The following DNAH9 variants were observed in gnomAD, a reference collection of about 807,000 sequenced individuals.
The protein encoded by DNAH9 is DNAH9 variant protein.
DNAH9 carries 345 observed loss-of-function variants against 471.6 expected under a neutral mutation model. The ratio of observed to expected loss-of-function variants is 0.73; its 90% CI spans 0.67 to 0.80. The LOEUF (loss-of-function observed/expected upper bound fraction) is 0.80. DNAH9 is among the 30% of genes least tolerant of loss of function. The probability of loss-of-function intolerance (pLI) is 0.00; values close to 1 mark genes in which losing one functional copy is unlikely to be tolerated. For synonymous variants in DNAH9, 2,093 were observed against 2,123.6 expected (o/e 0.99, Z 0.40); for missense variants, 5,407 against 5,609.2 (o/e 0.96, Z 1.15).
At chr17:11,674,868 C>A (rs556333377) in intron 17 of DNAH9, among the ~76,000 whole-genome samples, 1 of 152,208 alleles carries the variant, frequency 6.6e-6, no homozygotes, top group East Asian at 1.9e-4. Context: ...ATGAAGAAAT[C>A]CTAATTACTG....
At chr17:11,796,419 A>G (rs374104565) in intron 42 of DNAH9, among the ~76,000 whole-genome samples, 4 of 152,238 alleles carry the variant, frequency 2.6e-5, no homozygotes, top group African/African-American at 9.6e-5. Context: ...CACCTTCAAA[A>G]TCTAATAACT....
At chr17:11,603,895 G>A (rs1321509141) in intron 1 of DNAH9, among the ~76,000 whole-genome samples, 5 of 152,074 alleles carry the variant, frequency 3.3e-5, no homozygotes, top group African/African-American at 4.8e-5. Context: ...TGAGAGCAGC[G>A]TTTGTCATAG....
intron 59 of DNAH9, among the ~76,000 whole-genome samples, chr17:11,900,187 C>T (rs779539526): frequency 2.6e-5 from 4 of 151,992 alleles, no homozygotes; most frequent in African/African-American, 7.2e-5. Flanking sequence ...TCCAGTCCCC[C>T]GGTGCCTCCT....
At chr17:11,629,353 GT>G (rs1428890722) in intron 6 of DNAH9, 63 bp from the exon 7 acceptor site, 2 of 1,446,334 alleles carry the variant, frequency 1.4e-6, no homozygotes, top group East Asian at 2.3e-5. Context: ...GCGGTGTTTG[GT>G]TTTTTGTCCT....
intron 49 of DNAH9, among the ~76,000 whole-genome samples, chr17:11,852,965 T>C (rs1971485467): frequency 6.7e-6 from 1 of 149,698 alleles, no homozygotes; most frequent in Admixed American, 6.7e-5. Context: ...ATATATCTTA[T>C]GTTAATATAT....
intron 62 of DNAH9, among the ~76,000 whole-genome samples, 162 bp from the exon 63 acceptor site, chr17:11,929,704 G>A (rs936449848): frequency 6.6e-6 from 1 of 152,136 alleles, no homozygotes; most frequent in African/African-American, 2.4e-5. Flanking sequence ...CACTTAAAAA[G>A]GGTTTCAGAT....
intron 9 of DNAH9, among the ~76,000 whole-genome samples, chr17:11,638,913 T>C (rs1274896512): frequency 1.3e-5 from 2 of 152,302 alleles, no homozygotes; most frequent in East Asian, 3.9e-4. Flanking sequence ...GGGCCACTCT[T>C]TGCAACTAGA....
chr17:11,675,226 AAAT>A (rs1429788198), intron 17 of DNAH9, among the ~76,000 whole-genome samples: 1 of 152,038 alleles, frequency 6.6e-6, no homozygotes, highest in Non-Finnish European at 1.5e-5. Flanking sequence ...TTCGTAGTAT[AAAT>A]AATATTTTAA....
In DNAH9 at chr17:11,681,065, T is replaced by C. The variant is rs139876123; in HGVS notation, c.3743+176T>C. Among the ~76,000 whole-genome samples, 96 of 152,318 alleles carry C rather than the reference T, an allele frequency of 6.3e-4. 1 individual carries two copies. The East Asian group carries it at 0.018, about 28-fold the overall frequency. On this transcript the variant is annotated intron_variant, in intron 19 of 68. Coordinates refer to ENST00000262442, the MANE Select transcript of DNAH9 (RefSeq NM_001372.4). ...TGCTAATGTGGACTGAATCCTATCATGACCTGTATGAAAAGGCCAAGGATT... is the reference window on the plus strand; with the variant it reads ...TGCTAATGTGGACTGAATCCTATCACGACCTGTATGAAAAGGCCAAGGATT...
intron 45 of DNAH9, among the ~76,000 whole-genome samples, chr17:11,812,651 TGGC>T (rs1455345868): frequency 6.6e-6 from 1 of 152,120 alleles, no homozygotes; most frequent in Admixed American, 6.6e-5. Flanking sequence ...CTCACTGTGC[TGGC>T]TGCTAGCCTT....
At chr17:11,745,234 A>C (rs2075503570) in intron 31 of DNAH9, 150 bp downstream of exon 31, 2 of 687,052 alleles carry the variant, frequency 2.9e-6, no homozygotes, top group African/African-American at 3.6e-5. Context: ...AACCACTCTT[A>C]ACTGGGGACC....
chr17:11,647,334 G>A lies in DNAH9; in HGVS notation c.2097+136G>A, dbSNP rs983796626. Reference sequence around the variant, plus strand: ...GTCGCCCAGGCTGGAGTGCAGTGGCGCGATCTCAGCTCACTACAACCCCTA... The same window carrying A: ...GTCGCCCAGGCTGGAGTGCAGTGGCACGATCTCAGCTCACTACAACCCCTA... On this transcript the variant is annotated intron_variant, in intron 12 of 68. Transcript: ENST00000262442. 9.5e-5 allele frequency: 77 copies of A among 806,386 alleles called. 1 individual carries two copies. Among genetic ancestry groups the A allele is most frequent in the South Asian group, 9.2e-4 (55 of 59,486 alleles). 50.0% of individuals were successfully genotyped at this position (806,386 alleles called of 1,614,324 possible). A position where few individuals can be genotyped will look rare whatever the true frequency, so the allele number is the denominator to read the frequency against.
intron 28 of DNAH9, among the ~76,000 whole-genome samples, chr17:11,738,624 G>T (rs942495554): frequency 6.6e-6 from 1 of 152,094 alleles, no homozygotes; most frequent in African/African-American, 2.4e-5. Context: ...CGAGTGATCT[G>T]CCCGCCTTGG....
rs895709849 is a variant in DNAH9, at chr17:11,857,839, T to A, written c.9933+3411T>A. Among the ~76,000 whole-genome samples, 9 of 152,108 alleles carry A rather than the reference T, an allele frequency of 5.9e-5. No individual in the cohort carries two copies. In the East Asian group the frequency reaches 1.5e-3, roughly 26 times the overall value. On this transcript the variant is annotated intron_variant, in intron 50 of 68. Coordinates refer to ENST00000262442, the MANE Select transcript of DNAH9 (RefSeq NM_001372.4). Reference sequence around the variant, plus strand: ...GTGGCACCTGCCCCCCGCAACTCCCTCTTGCTCCTGCTCTGGCCATATGAT... The same window carrying A: ...GTGGCACCTGCCCCCCGCAACTCCCACTTGCTCCTGCTCTGGCCATATGAT...
At position 11,822,450 on chromosome 17, in the gene DNAH9, T is replaced by C. The variant is rs1970340786; in HGVS notation, c.8863T>C (p.Phe2955Leu). 3 of 1,614,182 alleles carry C rather than the reference T, an allele frequency of 1.9e-6. No individual in the cohort carries two copies. In the East Asian group the frequency reaches 6.7e-5, roughly 36 times the overall value. ...IRRQLKVTLC[F>L]SPVGNKLRVR... Reference sequence around the variant, plus strand: ...TCTGACTTCTCAGGTGACTCTCTGTTTCTCCCCTGTGGGAAACAAGCTAAG... The same window carrying C: ...TCTGACTTCTCAGGTGACTCTCTGTCTCTCCCCTGTGGGAAACAAGCTAAG... Residue 2955 changes from phenylalanine to leucine, a missense_variant, in exon 47 of 69, where the codon TTC becomes CTC. Physicochemically the swap from Phe to Leu is conservative, Grantham distance 22. This residue lies in a region of DNAH9 where 4,636 missense variants were observed against 4,900.3 expected (regional missense o/e 0.95). Coordinates refer to ENST00000262442, the MANE Select transcript of DNAH9 (RefSeq NM_001372.4).
At chr17:11,657,518 GAT>G (rs1053193832) in intron 14 of DNAH9, among the ~76,000 whole-genome samples, 1 of 151,958 alleles carries the variant, frequency 6.6e-6, no homozygotes, top group Non-Finnish European at 1.5e-5. Context: ...TATTCTTATT[GAT>G]ATATGTTGAT....
At chr17:11,925,207 T>C (rs1364469756) in intron 62 of DNAH9, 1 of 455,744 alleles carries the variant, frequency 2.2e-6, no homozygotes, top group Admixed American at 2.4e-5. Flanking sequence ...CCCACTGCCT[T>C]GAACATAGCA....
At chr17:11,718,440 C>CTT (rs2075002708) in intron 26 of DNAH9, among the ~76,000 whole-genome samples, 1 of 152,220 alleles carries the variant, frequency 6.6e-6, no homozygotes, top group African/African-American at 2.4e-5. Context: ...TTTGTGTAAA[C>CTT]ATGTATTCTT....
In DNAH9 at chr17:11,608,254, G is replaced by A. The variant is rs767700705; in HGVS notation, c.543G>A (p.Lys181=). The A allele has an allele frequency of 1.2e-6, 2 of 1,613,980 alleles. No homozygotes were observed. Among genetic ancestry groups the A allele is most frequent in the Non-Finnish European group, 1.7e-6 (2 of 1,179,918 alleles). The part of the protein sequence containing the change: ...CDLSVILEQV[K]GKTLLPLPAG... ...TCTCAGTTATACTTGAGCAAGTGAAGGGAAAAACTTTGCTGCCTCTTCCAG... is the reference window on the plus strand; with the variant it reads ...TCTCAGTTATACTTGAGCAAGTGAAAGGAAAAACTTTGCTGCCTCTTCCAG... Residue 181 remains lysine, a synonymous_variant, in exon 2 of 69, where the codon AAG becomes AAA. Transcript: ENST00000262442.
Sources: gnomAD v4.1 joint callset for allele counts (sites outside exome capture counted in the v4.1 genomes callset) on GRCh38, gnomAD v4.1.1 for gene constraint, gnomAD v4.1.1 regional missense constraint, MANE v1.5 for transcripts, NCBI Gene and HGNC (gene_info 2026-07-23, HGNC 2026-07-21) for gene names.